TENM3: variants seen among roughly 807,000 people sequenced by gnomAD.
TENM3 encodes teneurin-3.
A neutral mutation model predicts 255.1 loss-of-function variants in TENM3; 63 were observed. The observed-to-expected ratio is 0.25, with a 90% CI of 0.20 to 0.30. The LOEUF (loss-of-function observed/expected upper bound fraction) is 0.30. Ranked by LOEUF, TENM3 falls within the 10% of genes least tolerant of loss-of-function variation. The pLI is 1.00. For synonymous variants in TENM3, 1,306 were observed against 1,322.3 expected (o/e 0.99, Z 0.27); for missense variants, 2,929 against 3,461.1 (o/e 0.85, Z 3.86).
intron 4 of TENM3, among the ~76,000 whole-genome samples, chr4:182,609,731 A>G (rs1170022219): frequency 1.3e-5 from 2 of 152,306 alleles, no homozygotes; most frequent in South Asian, 2.1e-4. Context: ...TCAACATCCT[A>G]CTAGCTGTGT....
chr4:181,454,751 C>A, the TENM3 span, among the ~76,000 whole-genome samples: 1 of 122,446 alleles, frequency 8.2e-6, no homozygotes, highest in Non-Finnish European at 1.6e-5. Context: ...CAATTGCCTA[C>A]AGTTCAGTAG....
chr4:181,910,291 G>A, the TENM3 span, among the ~76,000 whole-genome samples: 1 of 152,028 alleles, frequency 6.6e-6, no homozygotes, highest in Admixed American at 6.6e-5. Flanking sequence ...TACAGGCCGG[G>A]TGCAGTGGCT....
intron 3 of TENM3, among the ~76,000 whole-genome samples, chr4:182,427,208 G>T (rs1481267202): frequency 6.6e-6 from 1 of 151,900 alleles, no homozygotes; most frequent in African/African-American, 2.4e-5. Context: ...TGTTACTTTT[G>T]TTTGTTTTGT....
chr4:181,466,338 G>C, the TENM3 span, among the ~76,000 whole-genome samples: 1 of 151,898 alleles, frequency 6.6e-6, no homozygotes, highest in African/African-American at 2.4e-5. Flanking sequence ...GGCTGGTCTT[G>C]AACATCTGAC....
chr4:182,421,578 A>G (rs951211991), intron 3 of TENM3, among the ~76,000 whole-genome samples: 8 of 152,198 alleles, frequency 5.3e-5, no homozygotes, highest in Admixed American at 6.5e-5. Flanking sequence ...TCTGGTCATA[A>G]CTATCTTCCT....
chr4:182,489,270 C>T (rs1431595638), intron 3 of TENM3, among the ~76,000 whole-genome samples: 1 of 152,076 alleles, frequency 6.6e-6, no homozygotes, highest in Non-Finnish European at 1.5e-5. Context: ...TGTGTCCTCT[C>T]AAAATAATTG....
intron 19 of TENM3, among the ~76,000 whole-genome samples, chr4:182,750,338 C>T (rs1762284871): frequency 6.6e-6 from 1 of 152,194 alleles, no homozygotes; most frequent in Admixed American, 6.5e-5. Context: ...ATACAAAGCT[C>T]AAGCCTTTGT....
chr4:181,572,646 A>G, the TENM3 span, among the ~76,000 whole-genome samples: 47,229 of 152,004 alleles, frequency 0.31, 8,468 homozygotes, highest in African/African-American at 0.49. Flanking sequence ...GGGTACATGA[A>G]ATACTCGCTA....
At chr4:182,779,760 G>A (rs969650272) in intron 24 of TENM3, among the ~76,000 whole-genome samples, 131 of 152,326 alleles carry the variant, frequency 8.6e-4, no homozygotes, top group Admixed American at 1.8e-3. Context: ...TCTAACTAGT[G>A]TGAGATGGTA....
intron 12 of TENM3, among the ~76,000 whole-genome samples, 190 bp downstream of exon 12, chr4:182,688,541 A>G (rs1394221619): frequency 6.6e-6 from 1 of 152,340 alleles, no homozygotes; most frequent in African/African-American, 2.4e-5. Flanking sequence ...AACAGCTGTC[A>G]CAAGTATGAG....
intron 24 of TENM3, among the ~76,000 whole-genome samples, chr4:182,779,179 G>A (rs1180952188): frequency 6.6e-6 from 1 of 151,278 alleles, no homozygotes; most frequent in Non-Finnish European, 1.5e-5. Context: ...CTAGCATTAG[G>A]TGTATCTCCC....
intron 15 of TENM3, among the ~76,000 whole-genome samples, 158 bp from the exon 16 acceptor site, chr4:182,730,720 A>G (rs998919611): frequency 6.6e-6 from 1 of 152,264 alleles, no homozygotes; most frequent in Admixed American, 6.5e-5. Context: ...TATTTATTGT[A>G]TAACTCTTGG....
chr4:182,060,300 G>A, the TENM3 span, among the ~76,000 whole-genome samples: 5 of 152,026 alleles, frequency 3.3e-5, no homozygotes, highest in African/African-American at 1.2e-4. Context: ...TGGCACCAGG[G>A]ACCAATTTCA....
the TENM3 span, among the ~76,000 whole-genome samples, chr4:181,706,603 A>C: frequency 1.3e-5 from 2 of 152,214 alleles, no homozygotes; most frequent in African/African-American, 2.4e-5. Flanking sequence ...TAAATATTAA[A>C]GTACTTTTTA....
At chr4:182,082,107 T>C in the TENM3 span, among the ~76,000 whole-genome samples, 31 of 152,296 alleles carry the variant, frequency 2.0e-4, no homozygotes, top group Middle Eastern at 6.8e-3. Context: ...AACAAAATAC[T>C]ACAAACTGGG....
chr4:181,548,889 A>C, the TENM3 span, among the ~76,000 whole-genome samples: 4 of 152,168 alleles, frequency 2.6e-5, no homozygotes, highest in Non-Finnish European at 5.9e-5. Context: ...TATGCAAGTT[A>C]ATGATAACAT....
At chr4:182,085,693 T>G in the TENM3 span, among the ~76,000 whole-genome samples, 14 of 152,334 alleles carry the variant, frequency 9.2e-5, no homozygotes, top group South Asian at 2.1e-4. Flanking sequence ...TAAACTAGCA[T>G]GAGCAATATG....
the TENM3 span, among the ~76,000 whole-genome samples, chr4:181,764,291 T>C: frequency 1.3e-5 from 2 of 152,132 alleles, no homozygotes; most frequent in African/African-American, 2.4e-5. Flanking sequence ...GCAAACATGG[T>C]AAAAGGATGT....
the TENM3 span, among the ~76,000 whole-genome samples, chr4:181,495,902 TA>T: frequency 0.13 from 15,054 of 116,774 alleles, 861 homozygotes; most frequent in Middle Eastern, 0.32. Flanking sequence ...AGAGACAAAT[TA>T]AAAAAAAAAA....
Sources: allele counts gnomAD v4.1 joint callset (sites outside exome capture counted in the v4.1 genomes callset), GRCh38; gene constraint gnomAD v4.1.1; transcripts MANE v1.5; gene names NCBI Gene and HGNC (gene_info 2026-07-23, HGNC 2026-07-21).